SDK1: variants seen among roughly 807,000 people sequenced by gnomAD.
The protein encoded by SDK1 is protein sidekick-1.
In SDK1, 157 loss-of-function variants were observed where a neutral mutation model predicts 245.5. That is an observed-to-expected ratio of 0.64 (90% CI 0.56 to 0.73). The LOEUF (loss-of-function observed/expected upper bound fraction) is 0.73, where lower values mean the gene tolerates loss of function less well. SDK1 is among the 30% of genes least tolerant of loss of function. SDK1 has a pLI of 0.00. For synonymous variants in SDK1, 1,647 were observed against 1,278.5 expected (o/e 1.29, Z -6.15); for missense variants, 3,583 against 3,002.3 (o/e 1.19, Z -4.52).
chr7:3,434,663 A>C (rs1297244681), intron 1 of SDK1, among the ~76,000 whole-genome samples: 1 of 152,180 alleles, frequency 6.6e-6, no homozygotes, highest in East Asian at 1.9e-4. Flanking sequence ...GCCCAAGCCA[A>C]CTTTACCGAG....
chr7:3,948,814 C>T (rs1036665148), intron 5 of SDK1, among the ~76,000 whole-genome samples: 10 of 152,366 alleles, frequency 6.6e-5, no homozygotes, highest in African/African-American at 2.2e-4. Context: ...GCGTCCTCCC[C>T]AGTCCTGAAC....
chr7:3,767,682 G>A (rs1780292948), intron 4 of SDK1, among the ~76,000 whole-genome samples: 1 of 152,070 alleles, frequency 6.6e-6, no homozygotes, highest in South Asian at 2.1e-4. Flanking sequence ...GAGACATGAG[G>A]TAATGTAGTT....
At chr7:4,155,282 A>G (rs1326580451) in intron 30 of SDK1, among the ~76,000 whole-genome samples, 6 of 151,658 alleles carry the variant, frequency 4.0e-5, no homozygotes, top group African/African-American at 7.3e-5. Flanking sequence ...CACTTAATCA[A>G]TCCTTGTTGA....
At position 3,581,253 on chromosome 7, in the gene SDK1, T is replaced by A. The variant is rs368679507; in HGVS notation, c.299-37827T>A. ...CCAGTGTCTATAAGGAACTTAAATT[T>A]ACAAAAAAAACCTATTAATCGAATA... On this transcript the variant is annotated intron_variant, in intron 1 of 44. Coordinates refer to ENST00000404826, the MANE Select transcript of SDK1 (RefSeq NM_152744.4). Among the ~76,000 whole-genome samples the A allele has an allele frequency of 4.7e-3, 714 of 152,182 alleles. 9 individuals carry two copies. Among genetic ancestry groups the A allele is most frequent in the African/African-American group, 0.016 (677 of 41,522 alleles).
At chr7:3,502,020 A>G (rs1782230372) in intron 1 of SDK1, among the ~76,000 whole-genome samples, 1 of 152,182 alleles carries the variant, frequency 6.6e-6, no homozygotes, top group East Asian at 1.9e-4. Flanking sequence ...ACTTTTAACA[A>G]AAATTCCAAT....
intron 17 of SDK1, among the ~76,000 whole-genome samples, chr7:4,040,348 C>T (rs1788531195): frequency 6.6e-6 from 1 of 152,188 alleles, no homozygotes; most frequent in Non-Finnish European, 1.5e-5. Context: ...CTGTAGTCTT[C>T]AACCCGGGGG....
intron 1 of SDK1, among the ~76,000 whole-genome samples, chr7:3,359,683 C>T (rs62437708): frequency 0.014 from 2,143 of 152,178 alleles, 26 homozygotes; most frequent in Non-Finnish European, 0.024. Context: ...CCGGGTGGCG[C>T]GCTGTGAGGA....
At chr7:3,532,747 C>T (rs912942919) in intron 1 of SDK1, among the ~76,000 whole-genome samples, 2 of 152,196 alleles carry the variant, frequency 1.3e-5, no homozygotes, top group African/African-American at 4.8e-5. Context: ...CTAGACTCCT[C>T]TGCACTCTGC....
chr7:3,944,585 C>G (rs1162440983), intron 5 of SDK1, among the ~76,000 whole-genome samples: 1 of 152,064 alleles, frequency 6.6e-6, no homozygotes, highest in African/African-American at 2.4e-5. Context: ...TTGTTTCATT[C>G]TTTTAAAAAT....
intron 5 of SDK1, among the ~76,000 whole-genome samples, chr7:3,935,035 G>A (rs1379228026): frequency 6.6e-6 from 1 of 152,244 alleles, no homozygotes; most frequent in East Asian, 1.9e-4. Context: ...ACAACTTTGA[G>A]AGCATTCTTT....
chr7:3,903,021 C>A (rs766413029), intron 5 of SDK1, among the ~76,000 whole-genome samples: 9 of 152,070 alleles, frequency 5.9e-5, no homozygotes, highest in Non-Finnish European at 1.3e-4. Flanking sequence ...CAATAAACAC[C>A]TGAGAAAATG....
chr7:4,004,218 G>A (rs1026173094), intron 14 of SDK1, among the ~76,000 whole-genome samples: 9 of 152,152 alleles, frequency 5.9e-5, no homozygotes, highest in Non-Finnish European at 1.2e-4. Context: ...ACCAAACAGG[G>A]AATAAAATAG....
chr7:3,795,025 A>G (rs371184765), intron 4 of SDK1, among the ~76,000 whole-genome samples: 4 of 152,094 alleles, frequency 2.6e-5, no homozygotes, highest in Non-Finnish European at 5.9e-5. Flanking sequence ...AACTTTGCAG[A>G]TGTAGCTCCC....
chr7:3,721,987 G>A (rs1278042204), intron 4 of SDK1, among the ~76,000 whole-genome samples: 1 of 151,920 alleles, frequency 6.6e-6, no homozygotes, highest in African/African-American at 2.4e-5. Context: ...ACCCAGTCTG[G>A]AAGGCAGTGG....
At chr7:3,367,616 A>G (rs184687248) in intron 1 of SDK1, among the ~76,000 whole-genome samples, 67 of 152,290 alleles carry the variant, frequency 4.4e-4, no homozygotes, top group African/African-American at 1.6e-3. Flanking sequence ...CTGAATTTCC[A>G]TAGTCTGTGG....
At chr7:3,310,235 C>A (rs983439289) in intron 1 of SDK1, among the ~76,000 whole-genome samples, 1 of 152,180 alleles carries the variant, frequency 6.6e-6, no homozygotes, top group Admixed American at 6.5e-5. Flanking sequence ...AGACTTAAAG[C>A]TTTGGTGCTG....
chr7:3,798,547 G>A (rs187555306), intron 4 of SDK1, among the ~76,000 whole-genome samples: 130 of 152,120 alleles, frequency 8.5e-4, no homozygotes, highest in African/African-American at 3.0e-3. Flanking sequence ...GTGCTGACCC[G>A]TTGCTTTTTA....
At chr7:3,589,894 A>C (rs1470925253) in intron 1 of SDK1, among the ~76,000 whole-genome samples, 2 of 152,220 alleles carry the variant, frequency 1.3e-5, no homozygotes, top group Non-Finnish European at 2.9e-5. Flanking sequence ...GGAATAAGCC[A>C]AGTAATAAGC....
intron 32 of SDK1, among the ~76,000 whole-genome samples, chr7:4,170,117 C>A (rs1003786581): frequency 6.6e-6 from 1 of 152,090 alleles, no homozygotes; most frequent in Non-Finnish European, 1.5e-5. Context: ...TTGTGGCTAA[C>A]AGTTGTGTTT....
Sources: allele counts gnomAD v4.1 joint callset (sites outside exome capture counted in the v4.1 genomes callset), GRCh38; gene constraint gnomAD v4.1.1; transcripts MANE v1.5; gene names NCBI Gene and HGNC (gene_info 2026-07-23, HGNC 2026-07-21).